KCNIP3: variants seen among roughly 807,000 people sequenced by gnomAD.
KCNIP3 encodes potassium voltage-gated channel interacting protein 3, also known as calsenilin.
In KCNIP3, 28 loss-of-function variants were observed where a neutral mutation model predicts 35.0. The observed-to-expected ratio is 0.80, with a 90% confidence interval of 0.59 to 1.10. The LOEUF is 1.10. KCNIP3 is among the 50% of genes least tolerant of loss of function. The pLI is 0.00. For missense variants in KCNIP3, 295 were observed against 338.4 expected (o/e 0.87, Z 1.01); for synonymous variants, 134 against 133.8 (o/e 1.00, Z -0.01).
intron 2 of KCNIP3, among the ~76,000 whole-genome samples, chr2:95,314,981 C>T (rs1206703624): frequency 6.6e-6 from 1 of 152,222 alleles, no homozygotes; most frequent in Non-Finnish European, 1.5e-5. Context: ...CAGCGGGTCT[C>T]ATCACTGTTC....
At chr2:95,317,035 C>T (rs1399991336) in intron 2 of KCNIP3, among the ~76,000 whole-genome samples, 1 of 152,252 alleles carries the variant, frequency 6.6e-6, no homozygotes, top group Non-Finnish European at 1.5e-5. Context: ...CTTCCCACTT[C>T]CCCTTCTGCA....
chr2:95,320,940 CCCTCTCCTCCCCACCCCTCCCCAG>C (rs1678579908), intron 2 of KCNIP3, among the ~76,000 whole-genome samples: 1 of 120,356 alleles, frequency 8.3e-6, no homozygotes, highest in African/African-American at 3.2e-5. Flanking sequence ...CTTCCCTAGG[CCCTCTCCTCCCCACCCCTCCCCAG>C]CCTCTCCTCC....
intron 1 of KCNIP3, 89 bp downstream of exon 1, chr2:95,297,542 T>C (rs1677898070): frequency 5.7e-6 from 6 of 1,049,580 alleles, no homozygotes; most frequent in Non-Finnish European, 6.9e-6. Context: ...CCAGGAAGCC[T>C]TTTTCTTTGA....
intron 1 of KCNIP3, among the ~76,000 whole-genome samples, chr2:95,297,846 C>A (rs948618919): frequency 3.3e-5 from 5 of 152,118 alleles, no homozygotes; most frequent in African/African-American, 1.2e-4. Context: ...TGACACTGAG[C>A]CCGGGCCCCA....
At chr2:95,298,242 C>T (rs890234204) in intron 1 of KCNIP3, among the ~76,000 whole-genome samples, 3 of 146,894 alleles carry the variant, frequency 2.0e-5, no homozygotes, top group Non-Finnish European at 4.5e-5. Flanking sequence ...TCTGGCTGCT[C>T]ATAACAGAAC....
rs1234715037 is a variant in KCNIP3 at position 95,310,559 on chromosome 2, G to C, written c.181+39G>C. ...TGGGCTGTGGTCAAGGGTGGGGGTG[G>C]GGAGATCTGTTCTGAGCACTGTCCT... On this transcript the variant is annotated intron_variant, in intron 2 of 8. Coordinates refer to ENST00000295225, the MANE Select transcript of KCNIP3 (RefSeq NM_013434.5). 1.9e-6 allele frequency: 3 copies of C among 1,605,920 alleles called. No homozygotes were observed. The East Asian group carries it at 6.7e-5, about 36-fold the overall frequency.
intron 2 of KCNIP3, among the ~76,000 whole-genome samples, chr2:95,369,458 G>A (rs993065784): frequency 6.6e-6 from 1 of 152,100 alleles, no homozygotes; most frequent in Non-Finnish European, 1.5e-5. Flanking sequence ...TGGGTAGTCT[G>A]TAATTTTTCA....
chr2:95,364,351 A>T (rs376037419), intron 2 of KCNIP3, among the ~76,000 whole-genome samples: 73 of 152,276 alleles, frequency 4.8e-4, no homozygotes, highest in Non-Finnish European at 8.1e-4. Context: ...TGATGTACTT[A>T]AAAAAATGCC....
At chr2:95,343,807 A>C (rs1289328735) in intron 2 of KCNIP3, among the ~76,000 whole-genome samples, 1 of 152,148 alleles carries the variant, frequency 6.6e-6, no homozygotes, top group Non-Finnish European at 1.5e-5. Context: ...CTTCTTGGAG[A>C]CAGAACTGGA....
At chr2:95,337,041 T>TG (rs1362843596) in intron 2 of KCNIP3, among the ~76,000 whole-genome samples, 1 of 152,168 alleles carries the variant, frequency 6.6e-6, no homozygotes, top group African/African-American at 2.4e-5. Context: ...GTGCAGATTT[T>TG]GGGGGCTACT....
intron 2 of KCNIP3, among the ~76,000 whole-genome samples, chr2:95,323,896 A>T (rs964473735): frequency 6.6e-6 from 1 of 152,108 alleles, no homozygotes; most frequent in East Asian, 1.9e-4. Flanking sequence ...TCCTGTATGG[A>T]TGAGGGGCCA....
intron 2 of KCNIP3, among the ~76,000 whole-genome samples, chr2:95,358,961 C>A (rs1573511240): frequency 1.3e-5 from 2 of 152,156 alleles, no homozygotes; most frequent in South Asian, 2.1e-4. Context: ...AGTCAGACCC[C>A]CCTTTCAAAA....
intron 2 of KCNIP3, among the ~76,000 whole-genome samples, chr2:95,345,658 C>T (rs1257258176): frequency 6.6e-6 from 1 of 152,226 alleles, no homozygotes; most frequent in Non-Finnish European, 1.5e-5. Context: ...GCCGCGCTGC[C>T]GCGCTGAGTC....
chr2:95,385,604 GC>G lies in KCNIP3; in HGVS notation c.*1559del. Reference sequence around the variant, plus strand: ...AGTCCCCGTGTGCCCCAAGAGGCTAGCCCCAGGGTGAGCAGGGCCCTCAGAG... The same window carrying G: ...AGTCCCCGTGTGCCCCAAGAGGCTAGCCCAGGGTGAGCAGGGCCCTCAGAG... On this transcript the variant is annotated 3_prime_UTR_variant, in exon 9 of 9. Transcript: ENST00000295225. The G allele has an allele frequency of 6.5e-6, 1 of 153,140 alleles. No individual in the cohort carries two copies. Among genetic ancestry groups the G allele is most frequent in the Non-Finnish European group, 1.5e-5 (1 of 68,360 alleles). 9.5% of individuals were successfully genotyped at this position (153,140 alleles called of 1,614,324 possible). A position where few individuals can be genotyped will look rare whatever the true frequency, so the allele number is the denominator to read the frequency against.
At chr2:95,308,719 T>C (rs912466141) in intron 1 of KCNIP3, among the ~76,000 whole-genome samples, 2 of 152,136 alleles carry the variant, frequency 1.3e-5, no homozygotes, top group African/African-American at 2.4e-5. Context: ...TTTCCAGGAC[T>C]GGCTCTCTGT....
At chr2:95,366,788 A>G (rs754324140) in intron 2 of KCNIP3, among the ~76,000 whole-genome samples, 62 of 152,178 alleles carry the variant, frequency 4.1e-4, no homozygotes, top group Non-Finnish European at 6.9e-4. Context: ...AAATGATGCT[A>G]ATCCTCTTTC....
intron 2 of KCNIP3, among the ~76,000 whole-genome samples, chr2:95,318,250 T>C (rs1678506461): frequency 6.6e-6 from 1 of 152,096 alleles, no homozygotes; most frequent in Non-Finnish European, 1.5e-5. Context: ...AGGACAAGCC[T>C]GGGCTGGGAG....
intron 2 of KCNIP3, among the ~76,000 whole-genome samples, chr2:95,360,814 G>A (rs1428516267): frequency 1.3e-5 from 2 of 152,194 alleles, no homozygotes; most frequent in Non-Finnish European, 2.9e-5. Context: ...TGTGATAATG[G>A]TATTAGTCCA....
chr2:95,377,182 G>A lies in KCNIP3; in HGVS notation c.447+1974G>A, dbSNP rs372788545. ...CGCTCTGGCCACCAGGGCCTTTCTC[G>A]TGCAACTCATCTGGCTTGCCAGGAC... On this transcript the variant is annotated intron_variant, in intron 5 of 8. Transcript: ENST00000295225. This position sits in a 1 kb window ranked among gnomAD's most constrained non-coding sequence, Gnocchi z 4.7. Among the ~76,000 whole-genome samples the A allele has an allele frequency of 1.7e-4, 26 of 152,206 alleles. No individual in the cohort carries two copies. Among genetic ancestry groups the A allele is most frequent in the Admixed American group, 6.5e-4 (10 of 15,288 alleles).
Sources: gnomAD v4.1 joint callset for allele counts (sites outside exome capture counted in the v4.1 genomes callset) on GRCh38, gnomAD v4.1.1 for gene constraint, Gnocchi (gnomAD v3.1) non-coding constraint, MANE v1.5 for transcripts, NCBI Gene and HGNC (gene_info 2026-07-23, HGNC 2026-07-21) for gene names.